The following OR10G3 variants were observed in gnomAD, a reference collection of about 807,000 sequenced individuals.
OR10G3 encodes olfactory receptor 10G3.
In OR10G3, 8 loss-of-function variants were observed where a neutral mutation model predicts 13.4. The observed-to-expected ratio is 0.60, with a 90% CI of 0.35 to 1.08. OR10G3 has a LOEUF of 1.08. Ranked by LOEUF, OR10G3 falls within the 50% of genes least tolerant of loss-of-function variation. The pLI, the probability that OR10G3 is intolerant of heterozygous loss-of-function variation, is 0.02. For synonymous variants in OR10G3, 142 were observed against 156.1 expected, an observed-to-expected ratio of 0.91 and a Z score of 0.67; for missense variants, 393 against 386.6, an observed-to-expected ratio of 1.02 and a Z score of -0.14.
At chr14:21,571,466 A>G (rs544731635) in intron 1 of OR10G3, among the ~76,000 whole-genome samples, 5 of 152,358 alleles carry the variant, frequency 3.3e-5, no homozygotes, top group African/African-American at 1.2e-4. Context: ...TTGGTGCTAT[A>G]TAATTCAGTT....
intron 1 of OR10G3, chr14:21,574,754 C>T (rs938338926): frequency 6.6e-6 from 1 of 151,986 alleles, no homozygotes. Flanking sequence ...TTGAGACAAA[C>T]CTGGGCAACA....
Position 21,570,000 on chromosome 14 carries a change from C to A in OR10G3, c.745G>T (p.Val249Phe), listed in dbSNP as rs765190990. The A allele has an allele frequency of 6.2e-7, 1 of 1,614,038 alleles. No homozygotes were observed. The highest frequency in any genetic ancestry group is 8.5e-7 in the Non-Finnish European group (1 of 1,179,916). ...FSTCGAHVTV[V>F]TVYYVPCAFI... ...GCACAGGGCACATAGTACACGGTGACCACGGTTACATGGGCTCCACAAGTT... is the reference window on the plus strand; with the variant it reads ...GCACAGGGCACATAGTACACGGTGAACACGGTTACATGGGCTCCACAAGTT... Residue 249 changes from valine to phenylalanine, a missense_variant, in exon 2 of 2, where the codon GTC becomes TTC. Coordinates refer to ENST00000641040, the MANE Select transcript of OR10G3 (RefSeq NM_001005465.2).
chr14:21,569,903 G>A lies in OR10G3; in HGVS notation c.842C>T (p.Thr281Ile). The change falls in exon 2 of 2, where the codon ACT becomes ATT. Residue 281 changes from threonine (T) to isoleucine (I), a missense_variant. By Grantham distance (89) the Thr-to-Ile change is moderately conservative. Transcript: ENST00000641040. The part of the protein sequence containing the change: ...GAAALVPTAI[T>I]PFLNPLIYTL... ...GTAGATAAGGGGGTTGAGGAAAGGA[G>A]TGATGGCCGTGGGGACTAGGGCAGC... 1.9e-6 allele frequency: 3 copies of A among 1,595,646 alleles called. No individual in the cohort carries two copies. The highest frequency in any genetic ancestry group is 2.6e-6 in the Non-Finnish European group (3 of 1,170,424).
Position 21,569,899 on chromosome 14 carries a change from A to G in OR10G3, c.846T>C (p.Pro282=). 1 of 1,613,692 alleles carries G rather than the reference A, an allele frequency of 6.2e-7. No homozygotes were observed. Among genetic ancestry groups the G allele is most frequent in the South Asian group, 1.1e-5 (1 of 90,944 alleles). ...GAGTGTAGATAAGGGGGTTGAGGAA[A>G]GGAGTGATGGCCGTGGGGACTAGGG... ...AAALVPTAIT[P]FLNPLIYTLR... The change falls in exon 2 of 2, where the codon CCT becomes CCC. Residue 282 remains proline (P), a synonymous_variant. Coordinates refer to ENST00000641040, the MANE Select transcript of OR10G3 (RefSeq NM_001005465.2).
chr14:21,572,929 T>G (rs756473171), intron 1 of OR10G3, among the ~76,000 whole-genome samples: 29 of 152,152 alleles, frequency 1.9e-4, no homozygotes, highest in Admixed American at 8.5e-4. Context: ...TGTTCCACAA[T>G]GGGGAAAGGA....
At chr14:21,577,695 A>G (rs1023868675) in intron 1 of OR10G3, among the ~76,000 whole-genome samples, 1 of 152,214 alleles carries the variant, frequency 6.6e-6, no homozygotes, top group African/African-American at 2.4e-5. Context: ...ACAATCTATC[A>G]CACTGAGTGT....
At chr14:21,575,769 T>G (rs868217745) in intron 1 of OR10G3, among the ~76,000 whole-genome samples, 15 of 149,768 alleles carry the variant, frequency 1.0e-4, no homozygotes, top group Admixed American at 1.3e-4. Context: ...ATCTCTGTTA[T>G]GAAACTTAAA....
intron 1 of OR10G3, among the ~76,000 whole-genome samples, chr14:21,579,310 T>C (rs68118234): frequency 0.11 from 17,002 of 152,240 alleles, 1,042 homozygotes; most frequent in African/African-American, 0.13. Flanking sequence ...AGTTGTGCCA[T>C]CTTGGCTCAC....
At chr14:21,571,433 C>T (rs985268353) in intron 1 of OR10G3, among the ~76,000 whole-genome samples, 1 of 152,190 alleles carries the variant, frequency 6.6e-6, no homozygotes, top group African/African-American at 2.4e-5. Context: ...AGGACTATCG[C>T]CACTATGCAC....
In OR10G3 at chr14:21,570,079, G is replaced by T. The variant is rs17792766; in HGVS notation, c.666C>A (p.Ile222=). The T allele has an allele frequency of 0.14, 220,015 of 1,614,100 alleles. 16,336 individuals carry two copies. The highest frequency in any genetic ancestry group is 0.18 in the Middle Eastern group (1,087 of 6,062). ...TGTGGATTCTCAGGATGGCCTGAATGATCTGTATGTAGGAGAGGAGGATCA... is the reference window on the plus strand; with the variant it reads ...TGTGGATTCTCAGGATGGCCTGAATTATCTGTATGTAGGAGAGGAGGATCA... The part of the protein sequence containing the change: ...FSLILLSYIQ[I]IQAILRIHTA... Residue 222 remains isoleucine (I), a synonymous_variant, in exon 2 of 2, where the codon ATC becomes ATA. Transcript: ENST00000641040.
chr14:21,570,417 T>C lies in OR10G3; in HGVS notation c.328A>G (p.Ser110Gly), dbSNP rs201342293. Residue 110 changes from serine to glycine, a missense_variant, in exon 2 of 2, where the codon AGC becomes GGC. Transcript: ENST00000641040. ...AGGGTGTAGAGGAAGCACTGGGTGC[T>C]GCCCAGGAAGTGATAGAAATAGAGT... ...AQLYFYHFLG[S>G]TQCFLYTLMA... 2 of 1,614,156 alleles carry C rather than the reference T, an allele frequency of 1.2e-6. No homozygotes were observed. The highest frequency in any genetic ancestry group is 2.2e-5 in the East Asian group (1 of 44,882).
In OR10G3 at chr14:21,570,420, C is replaced by T; in HGVS notation, c.325G>A (p.Gly109Ser). Residue 109 changes from glycine (G) to serine (S), a missense_variant, in exon 2 of 2, where the codon GGC (glycine) becomes AGC (serine). Coordinates refer to ENST00000641040, the MANE Select transcript of OR10G3 (RefSeq NM_001005465.2). ...GTGTAGAGGAAGCACTGGGTGCTGC[C>T]CAGGAAGTGATAGAAATAGAGTTGA... ...VAQLYFYHFL[G>S]STQCFLYTLM... 1 of 1,614,016 alleles carries T rather than the reference C, an allele frequency of 6.2e-7. No homozygotes were observed. The highest frequency in any genetic ancestry group is 8.5e-7 in the Non-Finnish European group (1 of 1,180,006).
Position 21,570,563 on chromosome 14 carries a change from T to C in OR10G3, c.182A>G (p.Tyr61Cys), listed in dbSNP as rs757594612. The part of the protein sequence containing the change: ...ADPRLHARPM[Y>C]IFLGVLSVID... ...GACTGAGAGAACACCAAGAAAGATG[T>C]ACATGGGGCGGGCATGGAGCCTTGG... Residue 61 changes from tyrosine (Y) to cysteine (C), a missense_variant, in exon 2 of 2, where the codon TAC becomes TGC. Transcript: ENST00000641040. 3 of 1,614,096 alleles carry C rather than the reference T, an allele frequency of 1.9e-6. No individual in the cohort carries two copies. In the East Asian group the frequency reaches 6.7e-5, roughly 36 times the overall value.
chr14:21,568,984 G>A lies in OR10G3; in HGVS notation c.*819C>T, dbSNP rs1458941017. On this transcript the variant is annotated 3_prime_UTR_variant, in exon 2 of 2. Transcript: ENST00000641040. Reference sequence around the variant, plus strand: ...CAAAGTGCTGGGATTACAAGCGTGAGCCACCGCGCCCAGCGTTAGGGTTTT... The same window carrying A: ...CAAAGTGCTGGGATTACAAGCGTGAACCACCGCGCCCAGCGTTAGGGTTTT... The A allele has an allele frequency of 1.3e-5, 2 of 151,584 alleles. No homozygotes were observed. The highest frequency in any genetic ancestry group is 4.8e-5 in the African/African-American group (2 of 41,344). 9.4% of individuals were successfully genotyped at this position (151,584 alleles called of 1,614,324 possible).
At chr14:21,572,355 T>C (rs1893080563) in intron 1 of OR10G3, among the ~76,000 whole-genome samples, 2 of 132,376 alleles carry the variant, frequency 1.5e-5, no homozygotes, top group Non-Finnish European at 3.1e-5. Flanking sequence ...TCCCAGCACT[T>C]TGGGAAGCCG....
chr14:21,573,121 A>G (rs950121649), intron 1 of OR10G3, among the ~76,000 whole-genome samples: 2 of 152,232 alleles, frequency 1.3e-5, no homozygotes, highest in African/African-American at 4.8e-5. Context: ...ATTTGTCTGC[A>G]AAATGTCATA....
chr14:21,571,067 T>C (rs1361817613), intron 1 of OR10G3, among the ~76,000 whole-genome samples: 1 of 152,196 alleles, frequency 6.6e-6, no homozygotes, highest in Non-Finnish European at 1.5e-5. Flanking sequence ...TAGAAAAAGT[T>C]TGCACCGAGG....
In OR10G3 at chr14:21,570,638, A is replaced by G. The variant is rs770588808; in HGVS notation, c.107T>C (p.Ile36Thr). 1 of 1,613,560 alleles carries G rather than the reference A, an allele frequency of 6.2e-7. No individual in the cohort carries two copies. The highest frequency in any genetic ancestry group is 2.2e-5 in the East Asian group (1 of 44,882). Residue 36 changes from isoleucine to threonine, a missense_variant, in exon 2 of 2, where the codon ATC becomes ACC. Coordinates refer to ENST00000641040, the MANE Select transcript of OR10G3 (RefSeq NM_001005465.2). ...AAGCAGGTTTCCCAGCTGAGTCAGGATGTAGATTAGAAAAAAGAACACAAA... is the reference window on the plus strand; with the variant it reads ...AAGCAGGTTTCCCAGCTGAGTCAGGGTGTAGATTAGAAAAAAGAACACAAA... ...LFFVFFFLIY[I>T]LTQLGNLLIL... is the part of the protein sequence containing the mutation.
rs745687033 is a variant in OR10G3 at position 21,570,377 on chromosome 14, C to A, written c.368G>T (p.Arg123Met). 3.1e-6 allele frequency: 5 copies of A among 1,614,154 alleles called. No homozygotes were observed. The South Asian group carries it at 5.5e-5, about 18-fold the overall frequency. The change falls in exon 2 of 2, where the codon AGG becomes ATG. Residue 123 changes from arginine to methionine, a missense_variant. Physicochemically the swap from Arg to Met is moderately conservative, Grantham distance 91 (BLOSUM62 -1). Transcript: ENST00000641040. Reference protein sequence around the residue: ...CFLYTLMAYDRYLAICQPLRY... With the variant: ...CFLYTLMAYDMYLAICQPLRY... ...CAGGGGCTGACATATTGCCAGGTAC[C>A]TGTCATAGGCCATTAGGGTGTAGAG...
Sources: allele counts gnomAD v4.1 joint callset (sites outside exome capture counted in the v4.1 genomes callset), GRCh38; gene constraint gnomAD v4.1.1; transcripts MANE v1.5; gene names NCBI Gene and HGNC (gene_info 2026-07-23, HGNC 2026-07-21).